The following OR8H1 variants were observed in gnomAD, a reference collection of about 807,000 sequenced individuals.
OR8H1 encodes the protein olfactory receptor 8H1.
For missense variants in OR8H1, 388 were observed against 374.1 expected, an observed-to-expected ratio of 1.04 and a Z score of -0.31; for synonymous variants, 135 against 134.5, an observed-to-expected ratio of 1.00 and a Z score of -0.03.
Position 56,290,849 on chromosome 11 carries a change from T to C in OR8H1, c.214A>G (p.Ser72Gly), listed in dbSNP as rs1231289379. The C allele has an allele frequency of 1.2e-6, 2 of 1,614,154 alleles. No individual in the cohort carries two copies. Among genetic ancestry groups the C allele is most frequent in the Non-Finnish European group, 8.5e-7 (1 of 1,180,006 alleles). ...FLTHLSFIDL[S>G]YSTVITPKTL... ...TTAGGTGTGATGACAGTTGAGTAAC[T>C]GAGGTCAATAAATGACAAGTGAGTA... Residue 72 changes from serine to glycine, a missense_variant, in exon 2 of 2, where the codon AGT becomes GGT. Ser to Gly is a moderately conservative substitution (Grantham distance 56). Transcript: ENST00000641600.
chr11:56,288,876 CA>C lies in OR8H1; in HGVS notation c.*1250del, dbSNP rs1854100737. 1 of 151,848 alleles carries C rather than the reference CA, an allele frequency of 6.6e-6. No individual in the cohort carries two copies. The highest frequency in any genetic ancestry group is 1.5e-5 in the Non-Finnish European group (1 of 67,872). 9.4% of individuals were successfully genotyped at this position (151,848 alleles called of 1,614,324 possible). On this transcript the variant is annotated 3_prime_UTR_variant, in exon 2 of 2. Transcript: ENST00000641600. ...CAAGTTTATTAGAAAAATAAAGAAACAAAAGAATGGCTATGCCATAAGCAAA... is the reference window on the plus strand; with the variant it reads ...CAAGTTTATTAGAAAAATAAAGAAACAAAGAATGGCTATGCCATAAGCAAA...
At position 56,289,909 on chromosome 11, in the gene OR8H1, C is replaced by T. The variant is rs1338211711; in HGVS notation, c.*218G>A. On this transcript the variant is annotated 3_prime_UTR_variant, in exon 2 of 2. Transcript: ENST00000641600. ...TGCTGGGATTATAGGCATGAGCCAC[C>T]GTGCCCGGCCAACACATATTATGAT... The T allele has an allele frequency of 2.1e-5, 12 of 578,014 alleles. No homozygotes were observed. Among genetic ancestry groups the T allele is most frequent in the Non-Finnish European group, 3.1e-5 (10 of 324,798 alleles). The allele number at this position is 578,014 out of a possible 1,614,324, so 35.8% of individuals were successfully genotyped here. A position where few individuals can be genotyped will look rare whatever the true frequency, so the allele number is the denominator to read the frequency against.
chr11:56,291,067 T>C lies in OR8H1; in HGVS notation c.-5A>G, dbSNP rs760644571. 81 of 1,563,538 alleles carry C rather than the reference T, an allele frequency of 5.2e-5. No homozygotes were observed. Among genetic ancestry groups the C allele is most frequent in the Admixed American group, 2.9e-4 (15 of 52,046 alleles). ...TGTGTTATTTCTTCTACCCATGATGTTCAATTGCTTTAAACTGCTGAGAAA... is the reference window on the plus strand; with the variant it reads ...TGTGTTATTTCTTCTACCCATGATGCTCAATTGCTTTAAACTGCTGAGAAA... On this transcript the variant is annotated 5_prime_UTR_variant, in exon 2 of 2. Transcript: ENST00000641600.
chr11:56,290,425 A>T lies in OR8H1; in HGVS notation c.638T>A (p.Ile213Lys). ...GSTLMVSLIT[I>K]SASYVSILST... is the part of the protein sequence containing the mutation. ...GAGAATGGACACATAGGATGCAGATATTGTGATAAGGGACACCATCAGGGT... is the reference window on the plus strand; with the variant it reads ...GAGAATGGACACATAGGATGCAGATTTTGTGATAAGGGACACCATCAGGGT... The change falls in exon 2 of 2, where the codon ATA becomes AAA. Residue 213 changes from isoleucine to lysine, a missense_variant. Ile to Lys is a moderately radical substitution (Grantham distance 102, BLOSUM62 -3). Transcript: ENST00000641600. 6.2e-7 allele frequency: 1 copy of T among 1,614,218 alleles called. No homozygotes were observed. Among genetic ancestry groups the T allele is most frequent in the Non-Finnish European group, 8.5e-7 (1 of 1,180,038 alleles).
Position 56,290,740 on chromosome 11 carries a change from G to A in OR8H1, c.323C>T (p.Ala108Val), listed in dbSNP as rs576753026. The change falls in exon 2 of 2, where the codon GCT becomes GTT. Residue 108 changes from alanine (A) to valine (V), a missense_variant. Physicochemically the swap from Ala to Val is moderately conservative, Grantham distance 64. Transcript: ENST00000641600. ...TGATGAGAGAAGAAAACATTCAGCA[G>A]CTCCCAAGAAGACAAAAAAGAACAT... ...AQMFFFVFLG[A>V]AECFLLSSMA... 3 of 1,614,104 alleles carry A rather than the reference G, an allele frequency of 1.9e-6. No homozygotes were observed. The East Asian group carries it at 6.7e-5, about 36-fold the overall frequency.
Position 56,292,131 on chromosome 11 carries a change from G to T in OR8H1, c.-203C>A, listed in dbSNP as rs1854160620. ...TTTTACATTTTTGTGCATTCATTTTGTTTTATTCTGTGTCAAAAAACCAAC... is the reference window on the plus strand; with the variant it reads ...TTTTACATTTTTGTGCATTCATTTTTTTTTATTCTGTGTCAAAAAACCAAC... On this transcript the variant is annotated 5_prime_UTR_variant, in exon 1 of 2. Coordinates refer to ENST00000641600, the MANE Select transcript of OR8H1 (RefSeq NM_001005199.2). The T allele has an allele frequency of 6.6e-6, 1 of 151,960 alleles. No individual in the cohort carries two copies. The highest frequency in any genetic ancestry group is 1.5e-5 in the Non-Finnish European group (1 of 67,970). The allele number at this position is 151,960 out of a possible 1,614,324, so 9.4% of individuals were successfully genotyped here. A position where few individuals can be genotyped will look rare whatever the true frequency, so the allele number is the denominator to read the frequency against.
intron 1 of OR8H1, among the ~76,000 whole-genome samples, 199 bp from the exon 2 acceptor site, chr11:56,291,283 A>C (rs1854149577): frequency 6.6e-6 from 1 of 152,218 alleles, no homozygotes; most frequent in African/African-American, 2.4e-5. Context: ...AATGTAACAT[A>C]TTGCATAATT....
chr11:56,291,253 A>G (rs1854149332), intron 1 of OR8H1, among the ~76,000 whole-genome samples, 169 bp from the exon 2 acceptor site: 1 of 152,240 alleles, frequency 6.6e-6, no homozygotes, highest in African/African-American at 2.4e-5. Flanking sequence ...GTAAATTAAC[A>G]TTTAGATGTG....
rs1053465300 is a variant in OR8H1 at position 56,290,303 on chromosome 11, T to G, written c.760A>C (p.Met254Leu). 2 of 1,613,286 alleles carry G rather than the reference T, an allele frequency of 1.2e-6. No individual in the cohort carries two copies. Among genetic ancestry groups the G allele is most frequent in the African/African-American group, 1.3e-5 (1 of 74,800 alleles). Residue 254 changes from methionine to leucine, a missense_variant, in exon 2 of 2, where the codon ATG (methionine) becomes CTG (leucine). Met to Leu is a conservative substitution (Grantham distance 15, BLOSUM62 2). Transcript: ENST00000641600. ...CTTGGTTTTAAATAAGTAAAAATCA[T>G]AGTTCCATAAAAGATGGTGACTCCC... ...LLGVTIFYGT[M>L]IFTYLKPRKS...
rs1194830188 is a variant in OR8H1, at chr11:56,291,019, G to A, written c.44C>T (p.Thr15Met). ...GACCTCTTCAGAATCTGACAGTCCC[G>A]TAAGGATGAAGTCAGGCACATTTGT... ...NNTNVPDFIL[T>M]GLSDSEEVQM... The change falls in exon 2 of 2, where the codon ACG (threonine) becomes ATG (methionine). Residue 15 changes from threonine (T) to methionine (M), a missense_variant. By Grantham distance (81) the Thr-to-Met change is moderately conservative. Transcript: ENST00000641600. 1.2e-6 allele frequency: 2 copies of A among 1,610,854 alleles called. No individual in the cohort carries two copies. Among genetic ancestry groups the A allele is most frequent in the Non-Finnish European group, 1.7e-6 (2 of 1,178,632 alleles).
Position 56,290,200 on chromosome 11 carries a change from A to G in OR8H1, c.863T>C (p.Ile288Thr), listed in dbSNP as rs761220807. 4 of 1,612,132 alleles carry G rather than the reference A, an allele frequency of 2.5e-6. No homozygotes were observed. The highest frequency in any genetic ancestry group is 1.1e-5 in the South Asian group (1 of 90,680). The change falls in exon 2 of 2, where the codon ATT (isoleucine) becomes ACT (threonine). Residue 288 changes from isoleucine (I) to threonine (T), a missense_variant. Ile to Thr is a moderately conservative substitution (Grantham distance 89). Coordinates refer to ENST00000641600, the MANE Select transcript of OR8H1 (RefSeq NM_001005199.2). ...TIVIPMLNPL[I>T]YSLRNKEVKN... ...AACTTCTTTGTTTCTAAGACTATAA[A>G]TGAGTGGATTCAGCATGGGAATCAC...
At position 56,289,991 on chromosome 11, in the gene OR8H1, T is replaced by C; in HGVS notation, c.*136A>G. 1 of 794,472 alleles carries C rather than the reference T, an allele frequency of 1.3e-6. No homozygotes were observed. The highest frequency in any genetic ancestry group is 1.4e-5 in the South Asian group (1 of 70,968). The allele number at this position is 794,472 out of a possible 1,614,324, so 49.2% of individuals were successfully genotyped here. A position where few individuals can be genotyped will look rare whatever the true frequency, so the allele number is the denominator to read the frequency against. On this transcript the variant is annotated 3_prime_UTR_variant, in exon 2 of 2. Coordinates refer to ENST00000641600, the MANE Select transcript of OR8H1 (RefSeq NM_001005199.2). ...ACACCTTGAAATGTTCAAGATCACG[T>C]TTAGTCAAGCAAAGGTTAGCACAAC...
chr11:56,290,214 C>T lies in OR8H1; in HGVS notation c.849G>A (p.Met283Ile). The T allele has an allele frequency of 6.2e-7, 1 of 1,612,410 alleles. No individual in the cohort carries two copies. Among genetic ancestry groups the T allele is most frequent in the East Asian group, 2.2e-5 (1 of 44,852 alleles). ...TAAGACTATAAATGAGTGGATTCAG[C>T]ATGGGAATCACAATAGTATAAAAAA... ...ASVFYTIVIP[M>I]LNPLIYSLRN... Residue 283 changes from methionine to isoleucine, a missense_variant, in exon 2 of 2, where the codon ATG (methionine) becomes ATA (isoleucine). By Grantham distance (10) the Met-to-Ile change is conservative. Transcript: ENST00000641600.
Position 56,290,997 on chromosome 11 carries a change from C to G in OR8H1, c.66G>C (p.Glu22Asp). 6.2e-7 allele frequency: 1 copy of G among 1,613,954 alleles called. No individual in the cohort carries two copies. The highest frequency in any genetic ancestry group is 8.5e-7 in the Non-Finnish European group (1 of 1,179,912). Residue 22 changes from glutamate to aspartate, a missense_variant, in exon 2 of 2, where the codon GAG becomes GAC. By Grantham distance (45) the Glu-to-Asp change is conservative. Coordinates refer to ENST00000641600, the MANE Select transcript of OR8H1 (RefSeq NM_001005199.2). ...ATAGTATAAAGAGGGCCATCTGGAC[C>G]TCTTCAGAATCTGACAGTCCCGTAA... ...FILTGLSDSE[E>D]VQMALFILFL... is the part of the protein sequence containing the mutation.
chr11:56,288,684 CAA>C lies in OR8H1; in HGVS notation c.*1441_*1442del, dbSNP rs1854098535. 6.6e-6 allele frequency: 1 copy of C among 151,944 alleles called. No individual in the cohort carries two copies. The highest frequency in any genetic ancestry group is 1.5e-5 in the Non-Finnish European group (1 of 67,906). The allele number at this position is 151,944 out of a possible 1,614,324, so 9.4% of individuals were successfully genotyped here. A position where few individuals can be genotyped will look rare whatever the true frequency, so the allele number is the denominator to read the frequency against. ...AAATTTATATTAGCGTTGTCAATGA[CAA>C]AGAGATTATCCAATGTTAAACTTGT... On this transcript the variant is annotated 3_prime_UTR_variant, in exon 2 of 2. Transcript: ENST00000641600.
rs1273511964 is a variant in OR8H1, at chr11:56,290,703, A to C, written c.360T>G (p.Asp120Glu). ...ECFLLSSMAY[D>E]RYVAICSPLR... The stretch of plus-strand genomic sequence containing the variant: ...GAGGACTGCAGATAGCTACGTAGCG[A>C]TCATAGGCCATTGATGAGAGAAGAA... Residue 120 changes from aspartate (D) to glutamate (E), a missense_variant, in exon 2 of 2, where the codon GAT becomes GAG. Coordinates refer to ENST00000641600, the MANE Select transcript of OR8H1 (RefSeq NM_001005199.2). 1.9e-6 allele frequency: 3 copies of C among 1,614,110 alleles called. No homozygotes were observed. The South Asian group carries it at 3.3e-5, about 18-fold the overall frequency.
At position 56,290,692 on chromosome 11, in the gene OR8H1, GCTACGTAGCGAT is replaced by G; in HGVS notation, c.359_370del (p.Asp120_Val123del). 3 of 1,614,020 alleles carry G rather than the reference GCTACGTAGCGAT, an allele frequency of 1.9e-6. No homozygotes were observed. The highest frequency in any genetic ancestry group is 2.5e-6 in the Non-Finnish European group (3 of 1,179,976). ...TGGGTAACGTAGAGGACTGCAGATA[GCTACGTAGCGAT>G]CATAGGCCATTGATGAGAGAAGAAA... On this transcript the variant is annotated inframe_deletion, in exon 2 of 2. Coordinates refer to ENST00000641600, the MANE Select transcript of OR8H1 (RefSeq NM_001005199.2).
At position 56,291,085 on chromosome 11, in the gene OR8H1, C is replaced by T; in HGVS notation, c.-22-1G>A. On this transcript the variant is annotated splice_acceptor_variant, in intron 1 of 1. Transcript: ENST00000641600. LOFTEE classifies it low-confidence loss of function (5UTR_SPLICE). ...CATGATGTTCAATTGCTTTAAACTG[C>T]TGAGAAATCAAAGTTGATACTTAAC... 6.6e-7 allele frequency: 1 copy of T among 1,506,164 alleles called. No individual in the cohort carries two copies. The highest frequency in any genetic ancestry group is 8.9e-7 in the Non-Finnish European group (1 of 1,117,336). The allele number at this position is 1,506,164 out of a possible 1,614,324, so 93.3% of individuals were successfully genotyped here.
chr11:56,291,233 A>G (rs1854149089), intron 1 of OR8H1, 149 bp from the exon 2 acceptor site: 1 of 566,642 alleles, frequency 1.8e-6, no homozygotes, highest in Admixed American at 3.5e-5. Flanking sequence ...TTGCCAATGT[A>G]GATAAAAGTG....
Sources: gnomAD v4.1 joint callset for allele counts (sites outside exome capture counted in the v4.1 genomes callset) on GRCh38, gnomAD v4.1.1 for gene constraint, MANE v1.5 for transcripts, NCBI Gene and HGNC (gene_info 2026-07-23, HGNC 2026-07-21) for gene names.